The following RPLP1 variants were observed in gnomAD, a reference collection of about 807,000 sequenced individuals.
RPLP1 encodes ribosomal protein lateral stalk subunit P1, also known as large ribosomal subunit protein P1.
RPLP1 carries 4 observed loss-of-function variants against 11.6 expected under a neutral mutation model. The observed-to-expected ratio is 0.34, with a 90% CI of 0.17 to 0.79. The LOEUF is 0.79. RPLP1 is among the 30% of genes least tolerant of loss of function. The probability of loss-of-function intolerance (pLI) is 0.55; values close to 1 mark genes in which losing one functional copy is unlikely to be tolerated. For synonymous variants in RPLP1, 54 were observed against 52.2 expected (o/e 1.03, Z -0.15); for missense variants, 133 against 142.8 (o/e 0.93, Z 0.35).
chr15:69,453,870 C>T (rs1892394211), intron 2 of RPLP1, 149 bp downstream of exon 2: 4 of 696,680 alleles, frequency 5.7e-6, no homozygotes, highest in Admixed American at 2.6e-5. Flanking sequence ...TCTCTAGGAG[C>T]TAATAAGATT....
rs1029138990 is a variant in RPLP1 at position 69,452,822 on chromosome 15, T to A, written c.-127T>A. The A allele has an allele frequency of 4.6e-6, 4 of 863,082 alleles. No homozygotes were observed. The highest frequency in any genetic ancestry group is 5.5e-6 in the Non-Finnish European group (3 of 542,894). The allele number at this position is 863,082 out of a possible 1,614,324, so 53.5% of individuals were successfully genotyped here. Reference sequence around the variant, plus strand: ...GGCTGCGTATAGGCGCGAGAGCCCCTTTCCTCAGCTGCCGCCAAGGTGCTC... The same window carrying A: ...GGCTGCGTATAGGCGCGAGAGCCCCATTCCTCAGCTGCCGCCAAGGTGCTC... On this transcript the variant is annotated 5_prime_UTR_variant, in exon 1 of 4. Transcript: ENST00000260379.
chr15:69,455,482 A>C lies in RPLP1; in HGVS notation c.320A>C (p.Asp107Ala), dbSNP rs1004883858. 1 of 1,609,874 alleles carries C rather than the reference A, an allele frequency of 6.2e-7. No individual in the cohort carries two copies. The highest frequency in any genetic ancestry group is 8.5e-7 in the Non-Finnish European group (1 of 1,179,488). ...GAAGAATCCGAGGAGTCTGATGATG[A>C]CATGGGCTTTGGTCTTTTTGACTAA... ...KKEESEESDD[D>A]MGFGLFD The change falls in exon 4 of 4, where the codon GAC (aspartate) becomes GCC (alanine). Residue 107 changes from aspartate (D) to alanine (A), a missense_variant. Asp to Ala is a moderately radical substitution (Grantham distance 126, BLOSUM62 -2). Coordinates refer to ENST00000260379, the MANE Select transcript of RPLP1 (RefSeq NM_001003.3).
chr15:69,453,663 C>T lies in RPLP1; in HGVS notation c.89C>T (p.Ala30Val). 1.2e-6 allele frequency: 2 copies of T among 1,614,064 alleles called. No homozygotes were observed. Among genetic ancestry groups the T allele is most frequent in the Non-Finnish European group, 1.7e-6 (2 of 1,179,926 alleles). ...EVTVTEDKIN[A>V]LIKAAGVNVE... ...TTGTTGTAGGAGGATAAGATCAATG[C>T]CCTCATTAAAGCAGCCGGTGTAAAT... Residue 30 changes from alanine (A) to valine (V), a missense_variant, in exon 2 of 4, where the codon GCC becomes GTC. By Grantham distance (64) the Ala-to-Val change is moderately conservative. Coordinates refer to ENST00000260379, the MANE Select transcript of RPLP1 (RefSeq NM_001003.3).
At chr15:69,455,313 T>C (rs1304119876) in intron 3 of RPLP1, 26 bp downstream of exon 3, 1 of 1,544,854 alleles carries the variant, frequency 6.5e-7, no homozygotes, top group Non-Finnish European at 8.7e-7. Flanking sequence ...TTTTTAGTAT[T>C]GGGAGGAGTG....
Position 69,453,642 on chromosome 15 carries a change from T to C in RPLP1, c.73-5T>C, listed in dbSNP as rs1892387632. ...TTGATGGATTGACGTTTTTATTTGT[T>C]GTAGGAGGATAAGATCAATGCCCTC... On this transcript the variant is annotated splice_region_variant and splice_polypyrimidine_tract_variant and intron_variant, in intron 1 of 3. Coordinates refer to ENST00000260379, the MANE Select transcript of RPLP1 (RefSeq NM_001003.3). 6.2e-7 allele frequency: 1 copy of C among 1,613,884 alleles called. No individual in the cohort carries two copies. The highest frequency in any genetic ancestry group is 8.5e-7 in the Non-Finnish European group (1 of 1,179,878).
intron 1 of RPLP1, chr15:69,453,288 C>T (rs2140435294): frequency 5.2e-6 from 3 of 580,704 alleles, no homozygotes; most frequent in Non-Finnish European, 9.2e-6. Flanking sequence ...TAGAAAAGCT[C>T]TTCCGCAGTG....
chr15:69,455,302 G>A lies in RPLP1; in HGVS notation c.265+15G>A, dbSNP rs1892419046. On this transcript the variant is annotated intron_variant, in intron 3 of 3. Coordinates refer to ENST00000260379, the MANE Select transcript of RPLP1 (RefSeq NM_001003.3). ...TGCTGCTCCAGGTAGGAAACATGGA[G>A]TTTTTAGTATTGGGAGGAGTGTAGA... 1.3e-6 allele frequency: 2 copies of A among 1,546,784 alleles called. No individual in the cohort carries two copies. Among genetic ancestry groups the A allele is most frequent in the African/African-American group, 1.4e-5 (1 of 72,188 alleles).
chr15:69,454,037 C>G (rs961354214), intron 2 of RPLP1: 66 of 349,444 alleles, frequency 1.9e-4, no homozygotes, highest in Middle Eastern at 1.6e-3. Context: ...AATTCTTTTT[C>G]TTTTTCTTTT....
At chr15:69,453,513 A>G (rs56071524) in intron 1 of RPLP1, 134 bp from the exon 2 acceptor site, 59,996 of 965,016 alleles carry the variant, frequency 0.062, 2,251 homozygotes, top group Non-Finnish European at 0.078. Context: ...GGCGCCTGGC[A>G]CACATCTCTT....
chr15:69,453,172 C>T, intron 1 of RPLP1, 152 bp downstream of exon 1: 1 of 709,270 alleles, frequency 1.4e-6, no homozygotes, highest in Non-Finnish European at 2.4e-6. Flanking sequence ...CTCCTCGGGG[C>T]TGGGGCCTCT....
At position 69,452,819 on chromosome 15, in the gene RPLP1, C is replaced by T. The variant is rs113844079; in HGVS notation, c.-130C>T. On this transcript the variant is annotated 5_prime_UTR_variant, in exon 1 of 4. Transcript: ENST00000260379. ...AGAGGCTGCGTATAGGCGCGAGAGC[C>T]CCTTTCCTCAGCTGCCGCCAAGGTG... 162 of 815,066 alleles carry T rather than the reference C, an allele frequency of 2.0e-4. 1 individual carries two copies. Among genetic ancestry groups the T allele is most frequent in the South Asian group, 1.7e-3 (110 of 64,834 alleles). 50.5% of individuals were successfully genotyped at this position (815,066 alleles called of 1,614,324 possible). A position where few individuals can be genotyped will look rare whatever the true frequency, so the allele number is the denominator to read the frequency against.
intron 2 of RPLP1, 35 bp downstream of exon 2, chr15:69,453,756 CCTG>C (rs773275407): frequency 6.2e-7 from 1 of 1,611,250 alleles, no homozygotes; most frequent in Non-Finnish European, 8.5e-7. Flanking sequence ...TGTGGTAAGG[CCTG>C]CTGATTTACG....
chr15:69,453,378 C>G, intron 1 of RPLP1: 1 of 582,468 alleles, frequency 1.7e-6, no homozygotes, highest in Non-Finnish European at 3.0e-6. Flanking sequence ...CTTGAATTCC[C>G]CCGGTCGTGG....
At chr15:69,455,007 C>A in intron 2 of RPLP1, 163 bp from the exon 3 acceptor site, 2 of 1,015,026 alleles carry the variant, frequency 2.0e-6, no homozygotes, top group Non-Finnish European at 2.7e-6. Flanking sequence ...GGTACACATG[C>A]TTATTTTTCC....
At chr15:69,453,839 G>A (rs1372260863) in intron 2 of RPLP1, 118 bp downstream of exon 2, 4 of 1,001,208 alleles carry the variant, frequency 4.0e-6, no homozygotes, top group Non-Finnish European at 6.3e-6. Context: ...GATCTCCTAG[G>A]TGTTTTTCGT....
At position 69,453,664 on chromosome 15, in the gene RPLP1, C is replaced by T. The variant is rs1892388041; in HGVS notation, c.90C>T (p.Ala30=). The T allele has an allele frequency of 1.2e-6, 2 of 1,613,886 alleles. No homozygotes were observed. The highest frequency in any genetic ancestry group is 1.7e-5 in the Admixed American group (1 of 59,996). ...EVTVTEDKIN[A]LIKAAGVNVE... is the part of the protein sequence containing the mutation. ...TGTTGTAGGAGGATAAGATCAATGCCCTCATTAAAGCAGCCGGTGTAAATG... is the reference window on the plus strand; with the variant it reads ...TGTTGTAGGAGGATAAGATCAATGCTCTCATTAAAGCAGCCGGTGTAAATG... The change falls in exon 2 of 4, where the codon GCC becomes GCT. Residue 30 remains alanine, a synonymous_variant. Transcript: ENST00000260379.
Position 69,453,727 on chromosome 15 carries a change from G to A in RPLP1, c.147+6G>A, listed in dbSNP as rs954309858. The A allele has an allele frequency of 3.1e-6, 5 of 1,614,154 alleles. No individual in the cohort carries two copies. Among genetic ancestry groups the A allele is most frequent in the Non-Finnish European group, 4.2e-6 (5 of 1,180,014 alleles). On this transcript the variant is annotated splice_donor_region_variant and intron_variant, in intron 2 of 3. Transcript: ENST00000260379. ...GGCCTGGCTTGTTTGCAAAGGTAAG[G>A]TGATGGTGGCAAAGTGATTGTGGTA...
In RPLP1 at chr15:69,452,889, T is replaced by C. The variant is rs1208508434; in HGVS notation, c.-60T>C. On this transcript the variant is annotated 5_prime_UTR_variant, in exon 1 of 4. Transcript: ENST00000260379. ...CTAAGGCTGCGTTGGGGTGAGGCCCTCACTTCATCCGGCGACTAGCACCGC... is the reference window on the plus strand; with the variant it reads ...CTAAGGCTGCGTTGGGGTGAGGCCCCCACTTCATCCGGCGACTAGCACCGC... 1 of 1,477,438 alleles carries C rather than the reference T, an allele frequency of 6.8e-7. No homozygotes were observed. The allele number at this position is 1,477,438 out of a possible 1,614,324, so 91.5% of individuals were successfully genotyped here. A position where few individuals can be genotyped will look rare whatever the true frequency, so the allele number is the denominator to read the frequency against.
At chr15:69,455,116 G>C (rs1892414382) in intron 2 of RPLP1, 54 bp from the exon 3 acceptor site, 1 of 1,511,084 alleles carries the variant, frequency 6.6e-7, no homozygotes, top group Non-Finnish European at 8.8e-7. Flanking sequence ...GGCTGCGTGA[G>C]TGCTTAACAA....
Sources: allele counts gnomAD v4.1 joint callset, GRCh38; gene constraint gnomAD v4.1.1; transcripts MANE v1.5; gene names NCBI Gene and HGNC (gene_info 2026-07-23, HGNC 2026-07-21).